The following SPINK1 variants were observed in gnomAD, a reference collection of about 807,000 sequenced individuals.
SPINK1 encodes the protein serine protease inhibitor Kazal-type 1.
SPINK1 carries 5 observed loss-of-function variants against 9.5 expected under a neutral mutation model. The ratio of observed to expected loss-of-function variants is 0.52; its 90% CI spans 0.27 to 1.10. The LOEUF is 1.10. Among genes scored for constraint, SPINK1 ranks in the 50% least tolerant of loss-of-function variants. SPINK1 has a pLI of 0.11. For missense variants in SPINK1, 88 were observed against 92.7 expected (o/e 0.95, Z 0.21); for synonymous variants, 37 against 32.3 (o/e 1.14, Z -0.49).
At chr5:147,837,707 T>TTCTTTCTTTCTC in the SPINK1 span, among the ~76,000 whole-genome samples, 2 of 149,150 alleles carry the variant, frequency 1.3e-5, no homozygotes, top group Admixed American at 1.3e-4. Context: ...CTTTCTTTCT[T>TTCTTTCTTTCTC]TCTTTCTTTT....
chr5:147,838,438 G>C, the SPINK1 span, among the ~76,000 whole-genome samples: 1 of 152,016 alleles, frequency 6.6e-6, no homozygotes, highest in Admixed American at 6.6e-5. Context: ...TCTGGCTTCT[G>C]GTCCCATACT....
chr5:147,837,834 T>C, the SPINK1 span, among the ~76,000 whole-genome samples: 1 of 151,970 alleles, frequency 6.6e-6, no homozygotes, highest in Non-Finnish European at 1.5e-5. Context: ...CCTGAGTAGC[T>C]GGGACTACAG....
chr5:147,835,520 T>G (rs1756581624), upstream of SPINK1, among the ~76,000 whole-genome samples: 2 of 152,090 alleles, frequency 1.3e-5, no homozygotes, highest in African/African-American at 4.8e-5. Context: ...TTGTGTACAT[T>G]TTTTCCTTTT....
Position 147,829,590 on chromosome 5 carries a change from T to C in SPINK1, c.87+9A>G. 6.2e-7 allele frequency: 1 copy of C among 1,611,736 alleles called. No homozygotes were observed. On this transcript the variant is annotated intron_variant, in intron 2 of 3. Coordinates refer to ENST00000296695, the MANE Select transcript of SPINK1 (RefSeq NM_001379610.1). ...TCTGAGAAATAAGAAATTACAAATA[T>C]CTCTTTACCTCTCTTCCCAGGGAGT...
chr5:147,834,192 C>T (rs150357058), upstream of SPINK1, among the ~76,000 whole-genome samples: 389 of 152,106 alleles, frequency 2.6e-3, 1 homozygote, highest in African/African-American at 8.7e-3. Context: ...ATTGTAGCAC[C>T]TAACAAAGTG....
Position 147,824,733 on chromosome 5 carries a change from T to A in SPINK1, c.195-27A>T. On this transcript the variant is annotated intron_variant, in intron 3 of 3. Transcript: ENST00000296695. ...TGCAGTAGAGATTAAAAAAAATATA[T>A]CAGCTTAAACTTCACTGATGAAAAA... 1.9e-6 allele frequency: 3 copies of A among 1,610,956 alleles called. No homozygotes were observed. In the South Asian group the frequency reaches 3.3e-5, roughly 18 times the overall value.
chr5:147,827,359 C>T (rs1756427019), intron 3 of SPINK1: 1 of 152,406 alleles, frequency 6.6e-6, no homozygotes, highest in South Asian at 2.1e-4. Context: ...TGGATCCTTT[C>T]TTGGCCCCTT....
chr5:147,826,606 A>G (rs1300659186), intron 3 of SPINK1, among the ~76,000 whole-genome samples: 1 of 152,132 alleles, frequency 6.6e-6, no homozygotes, highest in Non-Finnish European at 1.5e-5. Context: ...TTCTCCTCCC[A>G]TTGGATGGAA....
chr5:147,834,361 A>G (rs1315798025), upstream of SPINK1, among the ~76,000 whole-genome samples: 10 of 152,084 alleles, frequency 6.6e-5, no homozygotes, highest in African/African-American at 2.2e-4. Context: ...TCGGCCTTTT[A>G]TTCATTCAAC....
chr5:147,836,742 C>T, the SPINK1 span, among the ~76,000 whole-genome samples: 12 of 152,136 alleles, frequency 7.9e-5, no homozygotes, highest in Non-Finnish European at 2.9e-5. Context: ...TCATTTCCCG[C>T]CAAGCAGTAG....
At chr5:147,835,003 A>G (rs565759469), upstream of SPINK1, among the ~76,000 whole-genome samples, 1 of 152,060 alleles carries the variant, frequency 6.6e-6, no homozygotes, top group Non-Finnish European at 1.5e-5. Context: ...AACATATCCT[A>G]TGGACCCTAG....
At chr5:147,827,537 C>G (rs563299438) in intron 3 of SPINK1, 1 of 159,944 alleles carries the variant, frequency 6.3e-6, no homozygotes, top group Non-Finnish European at 1.4e-5. Context: ...TTGAGACATG[C>G]TAAGGTTTCA....
Position 147,831,561 on chromosome 5 carries a change from A to G in SPINK1, c.17T>C (p.Ile6Thr). The change falls in exon 1 of 4, where the codon ATC becomes ACC. Residue 6 changes from isoleucine (I) to threonine (T), a missense_variant. Physicochemically the swap from Ile to Thr is moderately conservative, Grantham distance 89. Transcript: ENST00000296695. Reference protein sequence around the residue: MKVTGIFLLSALALLS... With the variant: MKVTGTFLLSALALLS... ...CAGGGCCAAGGCACTGAGAAGAAAG[A>G]TGCCTGTTACCTTCATGGCTGAAGT... 6.2e-7 allele frequency: 1 copy of G among 1,613,696 alleles called. No homozygotes were observed. Among genetic ancestry groups the G allele is most frequent in the Non-Finnish European group, 8.5e-7 (1 of 1,179,860 alleles).
Position 147,824,591 on chromosome 5 carries a change from G to T in SPINK1, c.*70C>A. The T allele has an allele frequency of 6.9e-7, 1 of 1,459,336 alleles. No homozygotes were observed. The highest frequency in any genetic ancestry group is 2.3e-5 in the East Asian group (1 of 44,052). The allele number at this position is 1,459,336 out of a possible 1,614,324, so 90.4% of individuals were successfully genotyped here. A position where few individuals can be genotyped will look rare whatever the true frequency, so the allele number is the denominator to read the frequency against. On this transcript the variant is annotated 3_prime_UTR_variant, in exon 4 of 4. Transcript: ENST00000296695. ...AAATGGAAACAACAGGGGATATTCA[G>T]ATACATTTATTCAACAATAAGGCCA...
chr5:147,830,743 C>A (rs575062397), intron 1 of SPINK1, among the ~76,000 whole-genome samples: 87 of 152,266 alleles, frequency 5.7e-4, no homozygotes, highest in African/African-American at 2.0e-3. Context: ...ATTTGGCTCT[C>A]CACAGGATCC....
In SPINK1 at chr5:147,828,208, T is replaced by C; in HGVS notation, c.88-80A>G. 5 of 1,069,610 alleles carry C rather than the reference T, an allele frequency of 4.7e-6. No individual in the cohort carries two copies. In the South Asian group the frequency reaches 6.7e-5, roughly 14 times the overall value. The allele number at this position is 1,069,610 out of a possible 1,614,324, so 66.3% of individuals were successfully genotyped here. On this transcript the variant is annotated intron_variant, in intron 2 of 3. Transcript: ENST00000296695. ...TAGCAAAATCTCTGAAATGGTTTTA[T>C]TTCTCTGGGGAATAACTGTGATTGG...
At chr5:147,826,702 T>C (rs1246101801) in intron 3 of SPINK1, among the ~76,000 whole-genome samples, 1 of 152,196 alleles carries the variant, frequency 6.6e-6, no homozygotes, top group Non-Finnish European at 1.5e-5. Flanking sequence ...GTCTTAATTA[T>C]GGAAACAGAT....
chr5:147,834,487 G>A (rs115571305), upstream of SPINK1, among the ~76,000 whole-genome samples: 315 of 152,198 alleles, frequency 2.1e-3, 2 homozygotes, highest in African/African-American at 7.1e-3. Context: ...ATTGATAGAT[G>A]TTGGTTGGAT....
chr5:147,831,189 T>C (rs1219801926), intron 1 of SPINK1, among the ~76,000 whole-genome samples: 1 of 152,228 alleles, frequency 6.6e-6, no homozygotes, highest in Non-Finnish European at 1.5e-5. Context: ...AAATTTGTAA[T>C]TTGGCCTTAC....
Sources: allele counts gnomAD v4.1 joint callset (sites outside exome capture counted in the v4.1 genomes callset), GRCh38; gene constraint gnomAD v4.1.1; transcripts MANE v1.5; gene names NCBI Gene and HGNC (gene_info 2026-07-23, HGNC 2026-07-21).